DLD: variants seen among roughly 807,000 people sequenced by gnomAD.
DLD encodes dihydrolipoamide dehydrogenase, also known as dihydrolipoyl dehydrogenase, mitochondrial.
In DLD, 36 loss-of-function variants were observed where a neutral mutation model predicts 62.2. The observed-to-expected ratio is 0.58, with a 90% CI of 0.44 to 0.76. The LOEUF is 0.76. Among genes scored for constraint, DLD ranks in the 30% least tolerant of loss-of-function variants. DLD has a pLI of 0.00. For synonymous variants in DLD, 204 were observed against 199.6 expected (o/e 1.02, Z -0.19); for missense variants, 541 against 608.6 (o/e 0.89, Z 1.17).
rs1039757539 is a variant in DLD, at chr7:107,919,692, G to A, written c.*433G>A. 5.7e-6 allele frequency: 1 copy of A among 174,860 alleles called. No individual in the cohort carries two copies. The highest frequency in any genetic ancestry group is 2.4e-5 in the African/African-American group (1 of 41,598). 10.8% of individuals were successfully genotyped at this position (174,860 alleles called of 1,614,324 possible). A position where few individuals can be genotyped will look rare whatever the true frequency, so the allele number is the denominator to read the frequency against. On this transcript the variant is annotated 3_prime_UTR_variant, in exon 14 of 14. Transcript: ENST00000205402. ...AATTTGGTTTTCACATTGGAAACAA[G>A]TCAGTCATTCAGATATGATTCAAAT...
chr7:107,919,084 CTG>C lies in DLD; in HGVS notation c.1451_1452del (p.Cys484SerfsTer11). The C allele has an allele frequency of 6.2e-7, 1 of 1,613,750 alleles. No individual in the cohort carries two copies. The highest frequency in any genetic ancestry group is 8.5e-7 in the Non-Finnish European group (1 of 1,179,704). ...CATCCTGTGAAGATATAGCTAGAGT[CTG>C]TCATGCACATCCGGTAATTATTAAC... ...GASCEDIARV[C>X]HAHPTLSEAF... On this transcript the variant is annotated frameshift_variant, in exon 13 of 14. Transcript: ENST00000205402. LOFTEE classifies it high-confidence loss of function.
At chr7:107,915,406 C>T (rs1346465076) in intron 8 of DLD, 100 bp from the exon 9 acceptor site, 21 of 1,324,764 alleles carry the variant, frequency 1.6e-5, no homozygotes, top group East Asian at 7.3e-5. Flanking sequence ...AACATACTAG[C>T]GAAAGAAGAA....
chr7:107,891,386 G>GA (rs2031567690), intron 1 of DLD, 97 bp downstream of exon 1: 1 of 1,321,206 alleles, frequency 7.6e-7, no homozygotes, highest in Non-Finnish European at 1.0e-6. Context: ...GGCTGGCGGA[G>GA]GCGGGCGCCT....
intron 2 of DLD, among the ~76,000 whole-genome samples, chr7:107,894,476 A>T (rs1445814344): frequency 6.6e-6 from 1 of 152,214 alleles, no homozygotes. Context: ...TCTAGCTTTG[A>T]ACAGGTCAAG....
In DLD at chr7:107,919,339, A is replaced by C; in HGVS notation, c.*80A>C. 25 of 1,163,490 alleles carry C rather than the reference A, an allele frequency of 2.1e-5. No homozygotes were observed. The highest frequency in any genetic ancestry group is 3.0e-5 in the African/African-American group (2 of 65,588). The allele number at this position is 1,163,490 out of a possible 1,614,324, so 72.1% of individuals were successfully genotyped here. A position where few individuals can be genotyped will look rare whatever the true frequency, so the allele number is the denominator to read the frequency against. On this transcript the variant is annotated 3_prime_UTR_variant, in exon 14 of 14. Transcript: ENST00000205402. ...TCACATTCCTGAACAGGATATTCTC[A>C]CAGCTCCAAGAATTTCTAGGACTGA...
At chr7:107,915,906 T>C (rs912792139) in intron 9 of DLD, among the ~76,000 whole-genome samples, 5 of 152,176 alleles carry the variant, frequency 3.3e-5, no homozygotes, top group South Asian at 4.1e-4. Flanking sequence ...AATATTCTCA[T>C]TGTTGTGCCT....
intron 6 of DLD, 124 bp downstream of exon 6, chr7:107,905,182 C>A: frequency 9.7e-7 from 1 of 1,035,474 alleles, no homozygotes; most frequent in Non-Finnish European, 1.5e-6. Context: ...AGCTTGCTAA[C>A]CTGAAATAGA....
At chr7:107,909,489 C>T (rs1051549919) in intron 8 of DLD, among the ~76,000 whole-genome samples, 19 of 152,116 alleles carry the variant, frequency 1.2e-4, no homozygotes, top group African/African-American at 4.1e-4. Context: ...TATTCATCTT[C>T]GTTTCTCCAT....
rs919349289 is a variant in DLD at position 107,920,139 on chromosome 7, C to T, written c.*880C>T. ...CTTTCATCTATTTTAGATACACCTA[C>T]TAAATGTTTAATATATACTTTTGGA... On this transcript the variant is annotated 3_prime_UTR_variant, in exon 14 of 14. Transcript: ENST00000205402. 2 of 152,206 alleles carry T rather than the reference C, an allele frequency of 1.3e-5. No homozygotes were observed. The highest frequency in any genetic ancestry group is 1.3e-4 in the Admixed American group (2 of 15,276). The allele number at this position is 152,206 out of a possible 1,614,324, so 9.4% of individuals were successfully genotyped here.
rs1298101072 is a variant in DLD, at chr7:107,919,053, A to G, written c.1418A>G (p.Tyr473Cys). 1 of 1,614,016 alleles carries G rather than the reference A, an allele frequency of 6.2e-7. No homozygotes were observed. Among genetic ancestry groups the G allele is most frequent in the Non-Finnish European group, 8.5e-7 (1 of 1,179,882 alleles). ...MVNEAALALE[Y>C]GASCEDIARV... The stretch of plus-strand genomic sequence containing the variant: ...AATGAAGCTGCTCTTGCTTTGGAAT[A>G]TGGAGCATCCTGTGAAGATATAGCT... The change falls in exon 13 of 14, where the codon TAT becomes TGT. Residue 473 changes from tyrosine to cysteine, a missense_variant. Coordinates refer to ENST00000205402, the MANE Select transcript of DLD (RefSeq NM_000108.5).
intron 2 of DLD, among the ~76,000 whole-genome samples, chr7:107,896,334 C>G (rs182265378): frequency 1.3e-5 from 2 of 152,238 alleles, no homozygotes; most frequent in East Asian, 3.9e-4. Context: ...CACTGAGTTG[C>G]TAGTATGCAC....
intron 7 of DLD, 157 bp downstream of exon 7, chr7:107,905,661 A>G: frequency 1.3e-6 from 1 of 758,310 alleles, no homozygotes. Context: ...TTTATTCTGC[A>G]GTGATTCTGA....
Position 107,905,520 on chromosome 7 carries a change from A to C in DLD, c.582+16A>C. 6.2e-7 allele frequency: 1 copy of C among 1,612,498 alleles called. No homozygotes were observed. Among genetic ancestry groups the C allele is most frequent in the Non-Finnish European group, 8.5e-7 (1 of 1,178,606 alleles). ...TGGAATCACGGTATTTATGCTTCATAATTTACAACCATTACAACTTTTCTT... is the reference window on the plus strand; with the variant it reads ...TGGAATCACGGTATTTATGCTTCATCATTTACAACCATTACAACTTTTCTT... On this transcript the variant is annotated intron_variant, in intron 7 of 13. Transcript: ENST00000205402.
In DLD at chr7:107,901,415, C is replaced by CCGTCAGTTATTAAATA. The variant is rs1216794723; in HGVS notation, c.119-323_119-322insCGTCAGTTATTAAATA. 3.3e-5 allele frequency among the ~76,000 whole-genome samples: 5 copies of CCGTCAGTTATTAAATA among 152,198 alleles called. No individual in the cohort carries two copies. The East Asian group carries it at 9.7e-4, about 29-fold the overall frequency. On this transcript the variant is annotated intron_variant, in intron 2 of 13. Transcript: ENST00000205402. Reference sequence around the variant, plus strand: ...TTCATACATACTTGTCTTCCAGTATCACTAAATTCCGTCAGTTATTAAATC... The same window carrying CCGTCAGTTATTAAATA: ...TTCATACATACTTGTCTTCCAGTATCCGTCAGTTATTAAATAACTAAATTCCGTCAGTTATTAAATC...
At chr7:107,891,819 T>G (rs2031586356) in intron 1 of DLD, among the ~76,000 whole-genome samples, 1 of 152,196 alleles carries the variant, frequency 6.6e-6, no homozygotes, top group African/African-American at 2.4e-5. Flanking sequence ...TTTCAACTGG[T>G]GTTCATTGCC....
At chr7:107,919,160 T>C (rs1243375261) in intron 13 of DLD, 34 bp from the exon 14 acceptor site, 4 of 1,612,444 alleles carry the variant, frequency 2.5e-6, no homozygotes, top group African/African-American at 1.3e-5. Flanking sequence ...CCCACAAATA[T>C]TTGGATTTTA....
chr7:107,917,791 T>C (rs2032306780), intron 11 of DLD, 133 bp from the exon 12 acceptor site: 1 of 1,160,098 alleles, frequency 8.6e-7, no homozygotes, highest in Non-Finnish European at 1.3e-6. Flanking sequence ...TTCTGGTCTT[T>C]CCTTTCCTTC....
chr7:107,900,316 A>C (rs1023867154), intron 2 of DLD, among the ~76,000 whole-genome samples: 3 of 152,088 alleles, frequency 2.0e-5, no homozygotes, highest in African/African-American at 4.8e-5. Context: ...GTTTTTGGGG[A>C]GAGGGGGTGA....
At chr7:107,912,529 G>A (rs1300671896) in intron 8 of DLD, among the ~76,000 whole-genome samples, 1 of 151,988 alleles carries the variant, frequency 6.6e-6, no homozygotes, top group Non-Finnish European at 1.5e-5. Context: ...TTTTAACTGG[G>A]GTGAGATGAT....
Sources: allele counts gnomAD v4.1 joint callset (sites outside exome capture counted in the v4.1 genomes callset), GRCh38; gene constraint gnomAD v4.1.1; transcripts MANE v1.5; gene names NCBI Gene and HGNC (gene_info 2026-07-23, HGNC 2026-07-21).